KCNH5: variants seen among roughly 807,000 people sequenced by gnomAD.
The protein encoded by KCNH5 is potassium voltage-gated channel subfamily H member 5, also known as voltage-gated delayed rectifier potassium channel KCNH5.
A neutral mutation model predicts 96.1 loss-of-function variants in KCNH5; 46 were observed. That is an observed-to-expected ratio of 0.48 (90% CI 0.38 to 0.61). The LOEUF is 0.61. Ranked by LOEUF, KCNH5 falls within the 20% of genes least tolerant of loss-of-function variation. KCNH5 has a pLI of 0.00. For synonymous variants in KCNH5, 439 were observed against 449.8 expected (o/e 0.98, Z 0.30); for missense variants, 907 against 1,225.8 (o/e 0.74, Z 3.88).
chr14:62,975,969 A>G (rs2139562375), intron 6 of KCNH5, among the ~76,000 whole-genome samples: 1 of 152,236 alleles, frequency 6.6e-6, no homozygotes, highest in Non-Finnish European at 1.5e-5. Flanking sequence ...TTTAGCTATA[A>G]TAGTATTAAG....
At chr14:62,849,522 T>A in intron 8 of KCNH5, 131 bp downstream of exon 8, 1 of 691,410 alleles carries the variant, frequency 1.4e-6, no homozygotes, top group South Asian at 1.8e-5. Flanking sequence ...ACTGATTGAC[T>A]GATATGTCAC....
intron 4 of KCNH5, among the ~76,000 whole-genome samples, chr14:62,989,194 C>A (rs1890765386): frequency 6.6e-6 from 1 of 151,986 alleles, no homozygotes; most frequent in South Asian, 2.1e-4. Context: ...TTGCAAAGTT[C>A]TTTCTAAAAC....
chr14:62,721,621 T>G (rs8003224), intron 10 of KCNH5, among the ~76,000 whole-genome samples: 143,442 of 152,016 alleles, frequency 0.94, 68,195 homozygotes, highest in East Asian at 1. Context: ...ATTCTTAACA[T>G]ATTTTTTTTA....
Position 62,703,352 on chromosome 14 carries a change from A to C in KCNH5, c.*4156T>G, listed in dbSNP as rs1261481170. On this transcript the variant is annotated 3_prime_UTR_variant, in exon 11 of 11. Coordinates refer to ENST00000322893, the MANE Select transcript of KCNH5 (RefSeq NM_139318.5). ...TTCTAAAATCTAGAAGAATATTTTG[A>C]TAGAGAGTACATCGTGGATACTCTT... The C allele has an allele frequency of 1.3e-5, 2 of 151,948 alleles. No homozygotes were observed. Among genetic ancestry groups the C allele is most frequent in the Non-Finnish European group, 2.9e-5 (2 of 67,798 alleles). The allele number at this position is 151,948 out of a possible 1,614,324, so 9.4% of individuals were successfully genotyped here. A position where few individuals can be genotyped will look rare whatever the true frequency, so the allele number is the denominator to read the frequency against.
intron 5 of KCNH5, among the ~76,000 whole-genome samples, chr14:62,985,720 G>C (rs990922022): frequency 2.0e-5 from 3 of 151,990 alleles, no homozygotes; most frequent in African/African-American, 7.2e-5. Flanking sequence ...CACATGACTT[G>C]AACAGCCATA....
intron 8 of KCNH5, among the ~76,000 whole-genome samples, chr14:62,833,837 A>G (rs1225425775): frequency 2.0e-5 from 3 of 151,960 alleles, no homozygotes; most frequent in Non-Finnish European, 4.4e-5. Flanking sequence ...ATCTCCACGT[A>G]TGTATGAGGT....
intron 10 of KCNH5, among the ~76,000 whole-genome samples, chr14:62,758,867 C>T (rs567812045): frequency 6.6e-6 from 1 of 152,284 alleles, no homozygotes; most frequent in African/African-American, 2.4e-5. Flanking sequence ...GGGTGGAAGA[C>T]ACTGCTTGAG....
intron 1 of KCNH5, among the ~76,000 whole-genome samples, chr14:63,032,394 C>T (rs1891646366): frequency 6.6e-6 from 1 of 152,170 alleles, no homozygotes; most frequent in Non-Finnish European, 1.5e-5. Flanking sequence ...CAGGCAGTCG[C>T]AGCTTCAAGT....
intron 3 of KCNH5, among the ~76,000 whole-genome samples, chr14:63,003,863 G>A (rs1891077331): frequency 6.6e-6 from 1 of 151,210 alleles, no homozygotes; most frequent in Non-Finnish European, 1.5e-5. Context: ...CTCGTGATCC[G>A]CCCGCCTCGG....
chr14:63,037,681 G>C (rs114135073), intron 1 of KCNH5, among the ~76,000 whole-genome samples: 124 of 152,270 alleles, frequency 8.1e-4, no homozygotes, highest in African/African-American at 2.9e-3. Context: ...ATCCAAGTGA[G>C]TTGTTCGATT....
intron 1 of KCNH5, 116 bp from the exon 2 acceptor site, chr14:63,017,070 T>C (rs1891340619): frequency 1.0e-6 from 1 of 992,346 alleles, no homozygotes; most frequent in East Asian, 2.6e-5. Context: ...TGGTTTGTAA[T>C]TGTACAAATA....
At chr14:62,930,834 T>C (rs550778541) in intron 7 of KCNH5, among the ~76,000 whole-genome samples, 1 of 152,148 alleles carries the variant, frequency 6.6e-6, no homozygotes, top group Non-Finnish European at 1.5e-5. Context: ...AATAGAAACC[T>C]GACTTTAAGA....
intron 7 of KCNH5, among the ~76,000 whole-genome samples, chr14:62,905,491 T>G (rs1889009710): frequency 6.6e-6 from 1 of 152,164 alleles, no homozygotes; most frequent in Admixed American, 6.5e-5. Flanking sequence ...TCATTCTCCT[T>G]CATTGAGGGG....
intron 7 of KCNH5, among the ~76,000 whole-genome samples, chr14:62,936,172 A>T (rs866920838): frequency 3.9e-5 from 6 of 152,196 alleles, no homozygotes; most frequent in Non-Finnish European, 8.8e-5. Context: ...TTCAATAGGG[A>T]GTAAATGAAG....
chr14:62,820,481 C>G (rs896106830), intron 8 of KCNH5, among the ~76,000 whole-genome samples: 8 of 151,894 alleles, frequency 5.3e-5, no homozygotes, highest in African/African-American at 1.9e-4. Context: ...CTGATCCTCT[C>G]CCTTCACCCA....
intron 1 of KCNH5, 40 bp downstream of exon 1, chr14:63,045,074 G>A: frequency 1.3e-6 from 2 of 1,488,802 alleles, no homozygotes; most frequent in South Asian, 1.1e-5. Flanking sequence ...CGTGTGGGCG[G>A]GATGGAGGTG....
At chr14:62,938,915 G>T (rs943144169) in intron 7 of KCNH5, among the ~76,000 whole-genome samples, 2 of 152,060 alleles carry the variant, frequency 1.3e-5, no homozygotes, top group African/African-American at 4.8e-5. Context: ...TCTAATAATC[G>T]AACAAGTATA....
chr14:62,962,109 T>C (rs548616377), intron 6 of KCNH5, among the ~76,000 whole-genome samples: 230 of 151,536 alleles, frequency 1.5e-3, no homozygotes, highest in Non-Finnish European at 2.5e-3. Context: ...TGGAGATGGA[T>C]ACAGGGACAG....
At chr14:62,711,980 G>A (rs1884579251) in intron 10 of KCNH5, among the ~76,000 whole-genome samples, 1 of 152,132 alleles carries the variant, frequency 6.6e-6, no homozygotes, top group South Asian at 2.1e-4. Context: ...TCAGACACAA[G>A]CCCTAGGTCC....
Sources: allele counts gnomAD v4.1 joint callset (sites outside exome capture counted in the v4.1 genomes callset), GRCh38; gene constraint gnomAD v4.1.1; transcripts MANE v1.5; gene names NCBI Gene and HGNC (gene_info 2026-07-23, HGNC 2026-07-21).